Variants in FNDC3A observed in about 807,000 individuals in gnomAD.
FNDC3A encodes the protein fibronectin type-III domain-containing protein 3A.
A neutral mutation model predicts 148.9 loss-of-function variants in FNDC3A; 32 were observed. The ratio of observed to expected loss-of-function variants is 0.21; its 90% CI spans 0.16 to 0.29. FNDC3A has a LOEUF of 0.29. FNDC3A is among the 10% of genes least tolerant of loss of function. The pLI, the probability that FNDC3A is intolerant of heterozygous loss-of-function variation, is 1.00. For synonymous variants in FNDC3A, 472 were observed against 473.6 expected (o/e 1.00, Z 0.04); for missense variants, 1,191 against 1,452.8 (o/e 0.82, Z 2.93).
At chr13:49,072,162 A>T (rs887449676) in intron 2 of FNDC3A, among the ~76,000 whole-genome samples, 20 of 152,040 alleles carry the variant, frequency 1.3e-4, no homozygotes. Flanking sequence ...CTTACATTTA[A>T]ATCTTTAAGC....
chr13:49,122,871 A>G (rs1446131786), intron 4 of FNDC3A, among the ~76,000 whole-genome samples: 2 of 152,218 alleles, frequency 1.3e-5, no homozygotes, highest in Non-Finnish European at 2.9e-5. Flanking sequence ...ATGGAAAAAC[A>G]TTCCATGCTC....
intron 20 of FNDC3A, among the ~76,000 whole-genome samples, 182 bp downstream of exon 20, chr13:49,197,172 A>G (rs1029020540): frequency 3.3e-5 from 5 of 152,216 alleles, no homozygotes; most frequent in Admixed American, 6.5e-5. Context: ...GTATATTTGC[A>G]TTACAAATAT....
intron 14 of FNDC3A, among the ~76,000 whole-genome samples, chr13:49,182,891 T>G (rs1270551137): frequency 6.6e-6 from 1 of 152,156 alleles, no homozygotes; most frequent in East Asian, 1.9e-4. Flanking sequence ...ACCATCTTTT[T>G]GCCTTCCATT....
intron 2 of FNDC3A, among the ~76,000 whole-genome samples, chr13:49,035,778 A>G (rs1211440621): frequency 6.6e-6 from 1 of 152,116 alleles, no homozygotes; most frequent in Non-Finnish European, 1.5e-5. Flanking sequence ...AAATAAATGA[A>G]TTAAACGAGC....
chr13:48,981,760 G>A (rs1951697912), intron 1 of FNDC3A, among the ~76,000 whole-genome samples: 1 of 152,018 alleles, frequency 6.6e-6, no homozygotes, highest in African/African-American at 2.4e-5. Flanking sequence ...TTTGAAGTAA[G>A]CCTTGGTGTA....
intron 3 of FNDC3A, among the ~76,000 whole-genome samples, chr13:49,110,820 TAAA>T (rs931290908): frequency 2.6e-5 from 4 of 152,230 alleles, no homozygotes; most frequent in Admixed American, 2.0e-4. Context: ...CAAGGAAAGA[TAAA>T]GAAGAATTTA....
intron 2 of FNDC3A, among the ~76,000 whole-genome samples, chr13:49,063,645 A>C (rs1443988539): frequency 6.6e-6 from 1 of 152,192 alleles, no homozygotes; most frequent in Non-Finnish European, 1.5e-5. Flanking sequence ...GAAAATGAAG[A>C]TAATGGGTGA....
intron 2 of FNDC3A, among the ~76,000 whole-genome samples, chr13:49,027,744 C>T (rs1566200653): frequency 6.6e-6 from 1 of 151,836 alleles, no homozygotes; most frequent in South Asian, 2.1e-4. Flanking sequence ...AATAGAACAT[C>T]AGAACATATT....
intron 1 of FNDC3A, among the ~76,000 whole-genome samples, chr13:48,993,523 A>G (rs1483319413): frequency 6.6e-6 from 1 of 152,240 alleles, no homozygotes; most frequent in Admixed American, 6.5e-5. Flanking sequence ...TAAGATTTGT[A>G]CATTTCTGGT....
intron 7 of FNDC3A, 48 bp from the exon 8 acceptor site, chr13:49,145,730 A>G (rs1882953317): frequency 1.4e-6 from 2 of 1,478,582 alleles, no homozygotes; most frequent in Admixed American, 1.7e-5. Context: ...TGCTCATTGT[A>G]TACATTACAG....
chr13:49,133,003 G>A (rs980020238), intron 5 of FNDC3A, among the ~76,000 whole-genome samples: 7 of 152,094 alleles, frequency 4.6e-5, no homozygotes, highest in Non-Finnish European at 8.8e-5. Flanking sequence ...CTTATGCTCA[G>A]TACATTTGCA....
intron 2 of FNDC3A, among the ~76,000 whole-genome samples, chr13:49,057,542 C>A (rs776146470): frequency 2.0e-5 from 3 of 152,040 alleles, no homozygotes; most frequent in Non-Finnish European, 4.4e-5. Flanking sequence ...TTATCTTATA[C>A]CTTGCATTTT....
chr13:49,050,595 G>C (rs1453816215), intron 2 of FNDC3A, among the ~76,000 whole-genome samples: 1 of 152,190 alleles, frequency 6.6e-6, no homozygotes, highest in Non-Finnish European at 1.5e-5. Context: ...TCCATATGCT[G>C]ATGAACAGAA....
At position 49,207,096 on chromosome 13, in the gene FNDC3A, G is replaced by T. The variant is rs142361918; in HGVS notation, c.3298G>T (p.Asp1100Tyr). Residue 1100 changes from aspartate to tyrosine, a missense_variant, in exon 26 of 26, where the codon GAC becomes TAC. Coordinates refer to ENST00000492622, the MANE Select transcript of FNDC3A (RefSeq NM_001079673.2). ...TTATTAACAGATTTACAAGGGTCCC[G>T]ACTCTTCCTTCCGGTATTCCAGCCT... The part of the protein sequence containing the change: ...SEFKQIYKGP[D>Y]SSFRYSSLQL... 1 of 1,613,474 alleles carries T rather than the reference G, an allele frequency of 6.2e-7. No homozygotes were observed. Among genetic ancestry groups the T allele is most frequent in the Non-Finnish European group, 8.5e-7 (1 of 1,179,468 alleles).
chr13:48,986,382 G>GTTTTTT lies in FNDC3A; in HGVS notation c.-40+10207_-40+10208insTTTTTT, dbSNP rs1425213112. On this transcript the variant is annotated intron_variant, in intron 1 of 25. Transcript: ENST00000492622. ...AGGAAGACAGAGTAAGGAGAAGGAAGTTGTTTTTTTTTTTTTTTTTTTTTT... is the reference window on the plus strand; with the variant it reads ...AGGAAGACAGAGTAAGGAGAAGGAAGTTTTTTTTGTTTTTTTTTTTTTTTTTTTTTT... 3.2e-5 allele frequency among the ~76,000 whole-genome samples: 2 copies of GTTTTTT among 61,956 alleles called. 1 individual carries two copies. Among genetic ancestry groups the GTTTTTT allele is most frequent in the Non-Finnish European group, 6.1e-5 (2 of 32,988 alleles). 40.6% of individuals were successfully genotyped at this position (61,956 alleles called of 152,430 possible). A position where few individuals can be genotyped will look rare whatever the true frequency, so the allele number is the denominator to read the frequency against.
intron 2 of FNDC3A, among the ~76,000 whole-genome samples, chr13:49,052,078 T>C (rs1343625665): frequency 1.3e-5 from 2 of 152,172 alleles, no homozygotes; most frequent in East Asian, 1.9e-4. Flanking sequence ...AATTTTTCTT[T>C]CATATCCTGT....
At chr13:49,131,398 C>T in intron 5 of FNDC3A, 24 bp downstream of exon 5, 1 of 1,488,844 alleles carries the variant, frequency 6.7e-7, no homozygotes, top group Non-Finnish European at 9.4e-7. Flanking sequence ...AAGTATTCCA[C>T]TGTTATTGAG....
At chr13:49,185,435 T>G (rs1885517410) in intron 14 of FNDC3A, among the ~76,000 whole-genome samples, 1 of 152,172 alleles carries the variant, frequency 6.6e-6, no homozygotes. Flanking sequence ...CTCACATGGT[T>G]GTCTCCAGGA....
chr13:49,079,148 T>C (rs1053531140), intron 3 of FNDC3A, among the ~76,000 whole-genome samples: 3 of 152,224 alleles, frequency 2.0e-5, no homozygotes, highest in African/African-American at 2.4e-5. Context: ...CAGCTAGTTA[T>C]GGGCAGAGTT....
Sources: gnomAD v4.1 joint callset for allele counts (sites outside exome capture counted in the v4.1 genomes callset) on GRCh38, gnomAD v4.1.1 for gene constraint, MANE v1.5 for transcripts, NCBI Gene and HGNC (gene_info 2026-07-23, HGNC 2026-07-21) for gene names.